The following EEA1 variants were observed in gnomAD, a reference collection of about 807,000 sequenced individuals.
EEA1 encodes the protein early endosome antigen 1.
EEA1 carries 111 observed loss-of-function variants against 209.2 expected under a neutral mutation model. The observed-to-expected ratio is 0.53, with a 90% CI of 0.45 to 0.62. The LOEUF (loss-of-function observed/expected upper bound fraction) is 0.62, where lower values mean the gene tolerates loss of function less well. Among genes scored for constraint, EEA1 ranks in the 20% least tolerant of loss-of-function variants. The probability of loss-of-function intolerance (pLI) is 0.00; values close to 1 mark genes in which losing one functional copy is unlikely to be tolerated. For missense variants in EEA1, 1,343 were observed against 1,530.8 expected, an observed-to-expected ratio of 0.88 and a Z score of 2.05; for synonymous variants, 536 against 540.6, an observed-to-expected ratio of 0.99 and a Z score of 0.12.
intron 1 of EEA1, among the ~76,000 whole-genome samples, chr12:92,905,240 C>A (rs1449124819): frequency 1.3e-5 from 2 of 152,060 alleles, no homozygotes; most frequent in Non-Finnish European, 2.9e-5. Flanking sequence ...CTTATTATAA[C>A]AATATTACAT....
chr12:92,856,009 A>G (rs1013321207), intron 5 of EEA1, among the ~76,000 whole-genome samples: 6 of 152,328 alleles, frequency 3.9e-5, no homozygotes, highest in Non-Finnish European at 8.8e-5. Context: ...CTGAGTAGTA[A>G]TAAGACTGAT....
intron 2 of EEA1, among the ~76,000 whole-genome samples, chr12:92,886,642 G>A (rs536108403): frequency 3.6e-4 from 44 of 122,792 alleles, no homozygotes; most frequent in Non-Finnish European, 5.6e-4. Flanking sequence ...AGGGGGAAGG[G>A]GGAAGGGGAG....
At chr12:92,861,389 C>T (rs1256171041) in intron 3 of EEA1, among the ~76,000 whole-genome samples, 1 of 152,076 alleles carries the variant, frequency 6.6e-6, no homozygotes, top group African/African-American at 2.4e-5. Context: ...CAGGAGGTAT[C>T]GGTTGCGGTG....
intron 14 of EEA1, 28 bp from the exon 15 acceptor site, chr12:92,816,428 A>C: frequency 6.3e-7 from 1 of 1,597,192 alleles, no homozygotes; most frequent in Non-Finnish European, 8.6e-7. Flanking sequence ...CTAATCGTGA[A>C]GTTCACAAAT....
intron 3 of EEA1, among the ~76,000 whole-genome samples, chr12:92,862,724 A>G (rs1878206442): frequency 6.6e-6 from 1 of 152,346 alleles, no homozygotes; most frequent in South Asian, 2.1e-4. Flanking sequence ...AAACTATAAC[A>G]GTAAAAATGT....
In EEA1 at chr12:92,809,161, G is replaced by C; in HGVS notation, c.2200-5C>G. 2 of 1,546,682 alleles carry C rather than the reference G, an allele frequency of 1.3e-6. No homozygotes were observed. The highest frequency in any genetic ancestry group is 1.7e-6 in the Non-Finnish European group (2 of 1,149,536). On this transcript the variant is annotated splice_region_variant and splice_polypyrimidine_tract_variant and intron_variant, in intron 17 of 28. Coordinates refer to ENST00000322349, the MANE Select transcript of EEA1 (RefSeq NM_003566.4). ...AAGACTATCAGCTTCTAGTTTCTATGAAAGAAATATGATATGGCAGCCATT... is the reference window on the plus strand; with the variant it reads ...AAGACTATCAGCTTCTAGTTTCTATCAAAGAAATATGATATGGCAGCCATT...
chr12:92,811,456 G>T (rs913031888), intron 16 of EEA1, 22 bp from the exon 17 acceptor site: 33 of 1,501,054 alleles, frequency 2.2e-5, no homozygotes, highest in Non-Finnish European at 2.8e-5. Context: ...TACAATTGAA[G>T]AAAACTTTGG....
intron 9 of EEA1, among the ~76,000 whole-genome samples, chr12:92,846,802 T>C (rs182784649): frequency 1.4e-3 from 210 of 152,270 alleles, no homozygotes; most frequent in Admixed American, 2.8e-3. Context: ...CACAAGGACA[T>C]ACATAGTTAA....
intron 2 of EEA1, among the ~76,000 whole-genome samples, chr12:92,882,415 T>C (rs998199140): frequency 6.6e-6 from 1 of 152,014 alleles, no homozygotes; most frequent in African/African-American, 2.4e-5. Flanking sequence ...CATCTTTTTT[T>C]TTTTTTCCAC....
rs557014250 is a variant in EEA1, at chr12:92,880,538, A to C, written c.117+11091T>G. 6.6e-5 allele frequency among the ~76,000 whole-genome samples: 10 copies of C among 152,222 alleles called. No individual in the cohort carries two copies. In the South Asian group the frequency reaches 2.1e-3, roughly 32 times the overall value. On this transcript the variant is annotated intron_variant, in intron 2 of 28. Coordinates refer to ENST00000322349, the MANE Select transcript of EEA1 (RefSeq NM_003566.4). ...CGCCCAAGCTGGAGTATAGTCATGC[A>C]ATCTCGGCTCACTGTAAGCTCCACC...
In EEA1 at chr12:92,786,363, G is replaced by A. The variant is rs151211227; in HGVS notation, c.3150+1504C>T. 8.0e-3 allele frequency among the ~76,000 whole-genome samples: 1,215 copies of A among 152,136 alleles called. 25 individuals are homozygous for A. Among genetic ancestry groups the A allele is most frequent in the African/African-American group, 0.027 (1,116 of 41,508 alleles). On this transcript the variant is annotated intron_variant, in intron 22 of 28. Transcript: ENST00000322349. The stretch of plus-strand genomic sequence containing the variant: ...TTCAATACTTTCAATAGTGTTGTAA[G>A]GTCAAATAATAATAATTTAACACTA...
intron 1 of EEA1, among the ~76,000 whole-genome samples, chr12:92,905,974 T>C (rs1322382732): frequency 6.6e-6 from 1 of 152,118 alleles, no homozygotes; most frequent in Non-Finnish European, 1.5e-5. Flanking sequence ...GGCACAATCA[T>C]GGCTCATCGT....
intron 10 of EEA1, among the ~76,000 whole-genome samples, chr12:92,837,276 A>T (rs1383069550): frequency 1.3e-5 from 2 of 152,226 alleles, no homozygotes; most frequent in African/African-American, 4.8e-5. Context: ...GCAGGAGAGT[A>T]AACAGACTCT....
Position 92,779,198 on chromosome 12 carries a change from T to G in EEA1, c.3571A>C (p.Arg1191=), listed in dbSNP as rs758294698. The change falls in exon 25 of 29, where the codon AGA becomes CGA. Residue 1191 remains arginine (R), a synonymous_variant. Transcript: ENST00000322349. ...TGGTCTTTTAGTATCTGCTGATTTC[T>G]CTTCTCCTGTTCAACAGCTGCCTTC... The part of the protein sequence containing the change: ...SLKAAVEQEK[R]NQQILKDQVK... 1 of 1,612,234 alleles carries G rather than the reference T, an allele frequency of 6.2e-7. No individual in the cohort carries two copies.
rs571279445 is a variant in EEA1, at chr12:92,882,876, T to C, written c.117+8753A>G. On this transcript the variant is annotated intron_variant, in intron 2 of 28. Coordinates refer to ENST00000322349, the MANE Select transcript of EEA1 (RefSeq NM_003566.4). ...TTTGCTATTGTGAATAGTGCTGTAA[T>C]GAACATACAAATGCGCATGTCTTTT... Among the ~76,000 whole-genome samples the C allele has an allele frequency of 3.3e-5, 5 of 152,362 alleles. No individual in the cohort carries two copies. The South Asian group carries it at 1.0e-3, about 32-fold the overall frequency.
intron 1 of EEA1, among the ~76,000 whole-genome samples, chr12:92,925,746 C>T (rs1009293497): frequency 9.2e-5 from 14 of 151,984 alleles, no homozygotes; most frequent in African/African-American, 3.4e-4. Context: ...AGAGAAACAC[C>T]TTAGTAAGCT....
chr12:92,845,937 T>C (rs1010593575), intron 9 of EEA1, among the ~76,000 whole-genome samples: 4 of 152,204 alleles, frequency 2.6e-5, no homozygotes, highest in African/African-American at 4.8e-5. Flanking sequence ...TTAGATCCTA[T>C]AAAAAGTTTG....
chr12:92,802,418 C>A lies in EEA1; in HGVS notation c.2656G>T (p.Ala886Ser), dbSNP rs145270378. ...FEKENQKGKA[A>S]ILDLEKTCKE... ...AAACTACTAACCAAGTCTAATATAG[C>A]GGCTTTTCCTTTCTGATTCTCCTTT... Residue 886 changes from alanine (A) to serine (S), a missense_variant, in exon 19 of 29, where the codon GCT becomes TCT. Around this residue, in one of 3 missense-constraint regions of EEA1, gnomAD observed 1,307 missense variants for 1,465.5 expected, o/e 0.89. Transcript: ENST00000322349. 196 of 1,572,328 alleles carry A rather than the reference C, an allele frequency of 1.2e-4. No homozygotes were observed. Among genetic ancestry groups the A allele is most frequent in the Non-Finnish European group, 1.6e-4 (184 of 1,169,562 alleles).
In EEA1 at chr12:92,771,852, C is replaced by T. The variant is rs1443536514; in HGVS notation, c.*4159G>A. 6.6e-6 allele frequency: 1 copy of T among 151,980 alleles called. No homozygotes were observed. The highest frequency in any genetic ancestry group is 1.5e-5 in the Non-Finnish European group (1 of 67,918). 9.4% of individuals were successfully genotyped at this position (151,980 alleles called of 1,614,324 possible). On this transcript the variant is annotated 3_prime_UTR_variant, in exon 29 of 29. Transcript: ENST00000322349. ...TAAAGGTAGTTTTCTCCCTCTGAAT[C>T]TCATTAAAGGGAGAGACAGACTGAC...
Sources: allele counts gnomAD v4.1 joint callset (sites outside exome capture counted in the v4.1 genomes callset), GRCh38; gene constraint gnomAD v4.1.1; regional missense constraint gnomAD v4.1.1; transcripts MANE v1.5; gene names NCBI Gene and HGNC (gene_info 2026-07-23, HGNC 2026-07-21).